The following CADM2 variants were observed in gnomAD, a reference collection of about 807,000 sequenced individuals.
The protein encoded by CADM2 is immunoglobulin superfamily member 4D.
Under a neutral mutation model 49.8 loss-of-function variants are expected in CADM2, and 12 were observed. The observed-to-expected ratio is 0.24, with a 90% CI of 0.15 to 0.39. The LOEUF (loss-of-function observed/expected upper bound fraction) is 0.39, where lower values mean the gene tolerates loss of function less well. CADM2 is among the 10% of genes least tolerant of loss of function. CADM2 has a pLI of 1.00. For synonymous variants in CADM2, 214 were observed against 175.4 expected, an observed-to-expected ratio of 1.22 and a Z score of -1.74; for missense variants, 378 against 492.3, an observed-to-expected ratio of 0.77 and a Z score of 2.20.
intron 1 of CADM2, among the ~76,000 whole-genome samples, chr3:85,384,233 A>G (rs1000720696): frequency 2.6e-5 from 4 of 152,214 alleles, no homozygotes; most frequent in African/African-American, 9.6e-5. Flanking sequence ...GAGAGTATCC[A>G]TATATCTTAT....
At chr3:86,057,884 C>T (rs1261256831) in intron 8 of CADM2, among the ~76,000 whole-genome samples, 6 of 152,066 alleles carry the variant, frequency 3.9e-5, no homozygotes, top group Non-Finnish European at 8.8e-5. Context: ...TATAAATGAC[C>T]TCAACCAGCT....
chr3:86,039,259 C>G (rs954604998), intron 8 of CADM2, among the ~76,000 whole-genome samples: 3 of 151,866 alleles, frequency 2.0e-5, no homozygotes, highest in Admixed American at 6.6e-5. Context: ...TGAGCCAAAG[C>G]AGGGTGAGGC....
chr3:85,461,360 G>T (rs1356969928), intron 1 of CADM2, among the ~76,000 whole-genome samples: 6 of 152,020 alleles, frequency 3.9e-5, no homozygotes, highest in African/African-American at 1.4e-4. Context: ...AGGTAGTGAG[G>T]ACTACTTTAT....
intron 2 of CADM2, among the ~76,000 whole-genome samples, chr3:85,749,134 G>T (rs2068753211): frequency 6.6e-6 from 1 of 151,700 alleles, no homozygotes; most frequent in Non-Finnish European, 1.5e-5. Flanking sequence ...AACAGAAAAT[G>T]TCAGAACAGG....
At chr3:85,599,411 T>C (rs1038995785) in intron 1 of CADM2, among the ~76,000 whole-genome samples, 1 of 151,970 alleles carries the variant, frequency 6.6e-6, no homozygotes, top group Non-Finnish European at 1.5e-5. Flanking sequence ...TTTCACATAG[T>C]GTTAGCCATC....
At chr3:85,595,885 C>T (rs986273344) in intron 1 of CADM2, among the ~76,000 whole-genome samples, 6 of 151,682 alleles carry the variant, frequency 4.0e-5, no homozygotes, top group Admixed American at 3.9e-4. Context: ...AAAATAATTT[C>T]GTCTCTGTGA....
At chr3:85,672,692 G>T (rs983907832) in intron 1 of CADM2, among the ~76,000 whole-genome samples, 13 of 152,050 alleles carry the variant, frequency 8.5e-5, no homozygotes, top group African/African-American at 2.9e-4. Context: ...CCATTCATCT[G>T]ATTTTGAAAC....
At chr3:85,219,978 A>G (rs1442124301) in intron 1 of CADM2, among the ~76,000 whole-genome samples, 1 of 152,182 alleles carries the variant, frequency 6.6e-6, no homozygotes, top group African/African-American at 2.4e-5. Context: ...TTTTCAACTT[A>G]GAATATTAGG....
In CADM2 at chr3:85,516,913, C is replaced by T. The variant is rs1351802234; in HGVS notation, c.62-209609C>T. 2.6e-5 allele frequency among the ~76,000 whole-genome samples: 4 copies of T among 151,918 alleles called. No individual in the cohort carries two copies. In the South Asian group the frequency reaches 6.2e-4, roughly 24 times the overall value. On this transcript the variant is annotated intron_variant, in intron 1 of 9. Transcript: ENST00000383699. Reference sequence around the variant, plus strand: ...AATACCATTTACAGTTTATATTTTACTCAAATCCTTTTCACTTCCTTAATT... The same window carrying T: ...AATACCATTTACAGTTTATATTTTATTCAAATCCTTTTCACTTCCTTAATT...
chr3:85,139,054 TGCAG>T (rs901553531), intron 1 of CADM2, among the ~76,000 whole-genome samples: 3 of 152,136 alleles, frequency 2.0e-5, no homozygotes, highest in Admixed American at 6.6e-5. Flanking sequence ...CATCGGTGAG[TGCAG>T]GTTGGGCAGT....
chr3:85,153,993 A>C (rs1056601536), intron 1 of CADM2, among the ~76,000 whole-genome samples: 1 of 152,146 alleles, frequency 6.6e-6, no homozygotes, highest in Non-Finnish European at 1.5e-5. Flanking sequence ...TGGGGAAAAA[A>C]CAGAGCAGAA....
At chr3:85,864,065 A>G (rs777335440) in intron 3 of CADM2, among the ~76,000 whole-genome samples, 17 of 152,206 alleles carry the variant, frequency 1.1e-4, no homozygotes, top group Non-Finnish European at 1.8e-4. Context: ...ACGAGAGTCC[A>G]GGAACTAGGA....
chr3:84,990,847 G>C (rs1442473388), intron 1 of CADM2, among the ~76,000 whole-genome samples: 1 of 151,954 alleles, frequency 6.6e-6, no homozygotes, highest in Non-Finnish European at 1.5e-5. Context: ...TATTTTCTAA[G>C]ATGACAAATC....
chr3:85,388,209 A>T lies in CADM2; in HGVS notation c.62-338313A>T, dbSNP rs77379347. Among the ~76,000 whole-genome samples the T allele has an allele frequency of 1.7e-3, 260 of 152,266 alleles. 3 individuals are homozygous for T. The East Asian group carries it at 0.043, about 25-fold the overall frequency. ...ATGCCTGGCCAATTTTATTTTTTGTAGAGATGAGGTCTCACCAAGTTGCCC... is the reference window on the plus strand; with the variant it reads ...ATGCCTGGCCAATTTTATTTTTTGTTGAGATGAGGTCTCACCAAGTTGCCC... On this transcript the variant is annotated intron_variant, in intron 1 of 9. Coordinates refer to ENST00000383699, the MANE Select transcript of CADM2 (RefSeq NM_001167675.2).
intron 3 of CADM2, among the ~76,000 whole-genome samples, chr3:85,879,225 T>C (rs1408726715): frequency 3.9e-5 from 6 of 151,970 alleles, no homozygotes; most frequent in African/African-American, 1.4e-4. Context: ...TCATGGCATG[T>C]AGGAGATAGA....
intron 4 of CADM2, 120 bp downstream of exon 4, chr3:85,883,563 C>G: frequency 1.2e-6 from 1 of 840,002 alleles, no homozygotes; most frequent in Non-Finnish European, 1.7e-6. Context: ...TGGTTTAATC[C>G]TTTCTCTGCT....
intron 1 of CADM2, among the ~76,000 whole-genome samples, chr3:85,708,784 G>C (rs2067026326): frequency 1.3e-5 from 2 of 152,118 alleles, no homozygotes; most frequent in Non-Finnish European, 2.9e-5. Flanking sequence ...AGAACTAAGT[G>C]ACAATGAACT....
At chr3:85,971,337 TA>T (rs757828580) in intron 8 of CADM2, among the ~76,000 whole-genome samples, 7 of 151,646 alleles carry the variant, frequency 4.6e-5, no homozygotes, top group African/African-American at 9.7e-5. Context: ...AAACTTGGTC[TA>T]AAAGGATTTA....
chr3:85,967,752 G>A (rs1007651615), intron 8 of CADM2, among the ~76,000 whole-genome samples: 3 of 151,566 alleles, frequency 2.0e-5, no homozygotes, highest in Admixed American at 6.6e-5. Flanking sequence ...GCAGTATTGA[G>A]AGGCTACATG....
Sources: gnomAD v4.1 joint callset for allele counts (sites outside exome capture counted in the v4.1 genomes callset) on GRCh38, gnomAD v4.1.1 for gene constraint, MANE v1.5 for transcripts, NCBI Gene and HGNC (gene_info 2026-07-23, HGNC 2026-07-21) for gene names.